Variants in MXD4 observed in about 807,000 individuals in gnomAD.
MXD4 encodes MAX dimerization protein 4.
A neutral mutation model predicts 24.5 loss-of-function variants in MXD4; 16 were observed. The observed-to-expected ratio is 0.65, with a 90% CI of 0.44 to 0.99. The LOEUF is 0.99. Among genes scored for constraint, MXD4 ranks in the 50% least tolerant of loss-of-function variants. The pLI is 0.00. For missense variants in MXD4, 301 were observed against 301.5 expected (o/e 1.00, Z 0.01); for synonymous variants, 164 against 134.2 (o/e 1.22, Z -1.54).
intron 2 of MXD4, chr4:2,260,421 G>C: frequency 2.6e-6 from 1 of 386,904 alleles, no homozygotes. Context: ...CATAGAGGCA[G>C]TGTTCGGGCA....
intron 3 of MXD4, 114 bp downstream of exon 3, chr4:2,257,868 C>A: frequency 7.2e-7 from 1 of 1,381,366 alleles, no homozygotes; most frequent in East Asian, 2.3e-5. Flanking sequence ...AGGACACAGC[C>A]TGGCAGCACG....
At chr4:2,258,411 A>T (rs1460519439) in intron 2 of MXD4, among the ~76,000 whole-genome samples, 1 of 152,062 alleles carries the variant, frequency 6.6e-6, no homozygotes, top group Non-Finnish European at 1.5e-5. Flanking sequence ...AATCTGGCTG[A>T]CAGGAGGACC....
chr4:2,257,557 C>T (rs1735455761), intron 3 of MXD4, among the ~76,000 whole-genome samples: 1 of 152,266 alleles, frequency 6.6e-6, no homozygotes, highest in African/African-American at 2.4e-5. Context: ...GCTTCCCAGG[C>T]GGCCAGGGAC....
intron 2 of MXD4, among the ~76,000 whole-genome samples, chr4:2,258,250 C>T (rs753466039): frequency 5.9e-5 from 9 of 152,120 alleles, no homozygotes; most frequent in South Asian, 2.1e-4. Flanking sequence ...CCGGGGGAGC[C>T]GCAGCTCACG....
chr4:2,254,407 G>A (rs1735383567), intron 3 of MXD4: 1 of 152,050 alleles, frequency 6.6e-6, no homozygotes, highest in Non-Finnish European at 1.5e-5. Context: ...CAAGGCACAG[G>A]GAGCGTGCGT....
intron 3 of MXD4, chr4:2,255,375 C>G (rs1262201398): frequency 1.8e-5 from 8 of 456,260 alleles, no homozygotes; most frequent in South Asian, 1.2e-4. Flanking sequence ...CAAACAGAAG[C>G]CATCTGACCA....
rs1004992722 is a variant in MXD4, at chr4:2,249,567, G to C, written c.*977C>G. On this transcript the variant is annotated 3_prime_UTR_variant, in exon 6 of 6. Transcript: ENST00000337190. ...CCTAACCGGGCTGCTGGGCAGTGCA[G>C]CATTTTACTTTTTTGCTTTTTGTTT... 1.3e-5 allele frequency: 2 copies of C among 152,046 alleles called. No homozygotes were observed. The highest frequency in any genetic ancestry group is 4.8e-5 in the African/African-American group (2 of 41,390). 9.4% of individuals were successfully genotyped at this position (152,046 alleles called of 1,614,324 possible).
chr4:2,255,631 G>A (rs1394965018), intron 3 of MXD4, among the ~76,000 whole-genome samples: 1 of 152,104 alleles, frequency 6.6e-6, no homozygotes, highest in African/African-American at 2.4e-5. Flanking sequence ...CAGTGCCCTG[G>A]GCCCCCTGCC....
chr4:2,258,108 T>C (rs1735467407), intron 2 of MXD4, 97 bp from the exon 3 acceptor site: 1 of 1,455,686 alleles, frequency 6.9e-7, no homozygotes. Context: ...CTGCAGACAG[T>C]GGCTGGCTGT....
chr4:2,255,411 T>C (rs1476138566), intron 3 of MXD4: 4 of 455,966 alleles, frequency 8.8e-6, no homozygotes, highest in African/African-American at 4.0e-5. Context: ...CAAAACCCAG[T>C]AACAGGTCCA....
chr4:2,261,904 G>A lies in MXD4; in HGVS notation c.64+13C>T, dbSNP rs1406892809. On this transcript the variant is annotated intron_variant, in intron 1 of 5. Transcript: ENST00000337190. ...CCCACCGCCGCGGGCGCACAATGGG[G>A]TGCGAGCGCTACCTCGATCCCTGCG... is the stretch of plus-strand genomic sequence containing the variant. 2 of 1,452,002 alleles carry A rather than the reference G, an allele frequency of 1.4e-6. No individual in the cohort carries two copies. Among genetic ancestry groups the A allele is most frequent in the Non-Finnish European group, 1.8e-6 (2 of 1,101,742 alleles). The allele number at this position is 1,452,002 out of a possible 1,614,324, so 89.9% of individuals were successfully genotyped here.
chr4:2,248,610 G>A lies in MXD4; in HGVS notation c.*1934C>T, dbSNP rs144386802. 6.6e-6 allele frequency: 1 copy of A among 152,494 alleles called. No homozygotes were observed. Among genetic ancestry groups the A allele is most frequent in the East Asian group, 1.9e-4 (1 of 5,182 alleles). 9.4% of individuals were successfully genotyped at this position (152,494 alleles called of 1,614,324 possible). On this transcript the variant is annotated 3_prime_UTR_variant, in exon 6 of 6. Transcript: ENST00000337190. ...GACCCCAGTGGGGCCGGAAGGAGAT[G>A]CAGACAGGCCTCCTCACAACCACCC... is the stretch of plus-strand genomic sequence containing the variant.
At chr4:2,251,290 C>A in intron 4 of MXD4, 44 bp from the exon 5 acceptor site, 4 of 1,509,324 alleles carry the variant, frequency 2.7e-6, no homozygotes, top group African/African-American at 1.4e-5. Flanking sequence ...GAAGAGGAGT[C>A]CCCCCATCCC....
At chr4:2,258,172 G>T (rs1735468960) in intron 2 of MXD4, among the ~76,000 whole-genome samples, 161 bp from the exon 3 acceptor site, 1 of 152,160 alleles carries the variant, frequency 6.6e-6, no homozygotes, top group African/African-American at 2.4e-5. Context: ...GTGAGCAGTT[G>T]CCCACCCAGG....
intron 3 of MXD4, 87 bp downstream of exon 3, chr4:2,257,895 A>ACAGGGG: frequency 6.4e-7 from 1 of 1,552,014 alleles, no homozygotes. Context: ...CGTGCCCGGG[A>ACAGGGG]CAGGGGCAGG....
At chr4:2,256,579 G>A (rs1288783182) in intron 3 of MXD4, among the ~76,000 whole-genome samples, 1 of 152,146 alleles carries the variant, frequency 6.6e-6, no homozygotes, top group African/African-American at 2.4e-5. Context: ...GTCCACATCC[G>A]CCTCTTGGCC....
chr4:2,251,005 C>A (rs1020322073), intron 5 of MXD4, 79 bp downstream of exon 5: 11 of 1,436,580 alleles, frequency 7.7e-6, no homozygotes, highest in Non-Finnish European at 9.2e-6. Flanking sequence ...CAGCACCAGG[C>A]ACCTCCTCTC....
At chr4:2,257,166 G>C (rs146269213) in intron 3 of MXD4, among the ~76,000 whole-genome samples, 31 of 152,358 alleles carry the variant, frequency 2.0e-4, no homozygotes, top group Non-Finnish European at 4.0e-4. Flanking sequence ...GACATGGTGG[G>C]GAGGCGGAGA....
At chr4:2,259,095 C>T (rs1490148954) in intron 2 of MXD4, 1 of 393,406 alleles carries the variant, frequency 2.5e-6, no homozygotes, top group South Asian at 1.8e-5. Flanking sequence ...TGCCTCGGGG[C>T]ACCTCCAGAC....
Sources: allele counts gnomAD v4.1 joint callset (sites outside exome capture counted in the v4.1 genomes callset), GRCh38; gene constraint gnomAD v4.1.1; transcripts MANE v1.5; gene names NCBI Gene and HGNC (gene_info 2026-07-23, HGNC 2026-07-21).